TMEM163: variants seen among roughly 807,000 people sequenced by gnomAD.
TMEM163 encodes the protein transmembrane protein 163.
In TMEM163, 17 loss-of-function variants were observed where a neutral mutation model predicts 29.3. The observed-to-expected ratio is 0.58, with a 90% CI of 0.40 to 0.87. The LOEUF (loss-of-function observed/expected upper bound fraction) is 0.87, where lower values mean the gene tolerates loss of function less well. Ranked by LOEUF, TMEM163 falls within the 40% of genes least tolerant of loss-of-function variation. TMEM163 has a pLI of 0.00. For synonymous variants in TMEM163, 157 were observed against 160.6 expected, an observed-to-expected ratio of 0.98 and a Z score of 0.17; for missense variants, 303 against 381.5, an observed-to-expected ratio of 0.79 and a Z score of 1.71.
At chr2:134,643,656 A>G (rs1174566774) in intron 2 of TMEM163, among the ~76,000 whole-genome samples, 1 of 150,244 alleles carries the variant, frequency 6.7e-6, no homozygotes, top group Non-Finnish European at 1.5e-5. Context: ...TTCAGTATTC[A>G]TTCATGTTAA....
intron 2 of TMEM163, among the ~76,000 whole-genome samples, chr2:134,575,570 G>T (rs182906515): frequency 6.6e-6 from 1 of 152,288 alleles, no homozygotes; most frequent in East Asian, 1.9e-4. Context: ...ATCCCTCTGG[G>T]TCACGCTTTC....
intron 2 of TMEM163, among the ~76,000 whole-genome samples, chr2:134,555,299 C>T (rs908413954): frequency 1.3e-5 from 2 of 152,182 alleles, no homozygotes; most frequent in African/African-American, 2.4e-5. Context: ...TTCACCAGGA[C>T]GTTTCCAACT....
intron 4 of TMEM163, among the ~76,000 whole-genome samples, chr2:134,513,366 C>T (rs1343993548): frequency 2.0e-5 from 3 of 152,134 alleles, no homozygotes; most frequent in Non-Finnish European, 4.4e-5. Context: ...CAGGAATCAT[C>T]AGCACATGGA....
chr2:134,529,712 C>T (rs1042461529), intron 4 of TMEM163, among the ~76,000 whole-genome samples: 36 of 151,700 alleles, frequency 2.4e-4, no homozygotes, highest in African/African-American at 7.3e-4. Context: ...AAGATCTCCC[C>T]GGCGATCACA....
chr2:134,519,415 T>C (rs1479580484), intron 4 of TMEM163, among the ~76,000 whole-genome samples: 1 of 152,070 alleles, frequency 6.6e-6, no homozygotes, highest in Non-Finnish European at 1.5e-5. Flanking sequence ...GTGAGCAAGC[T>C]TTAAAACACA....
At chr2:134,538,036 T>C (rs1056937797) in intron 4 of TMEM163, among the ~76,000 whole-genome samples, 1 of 152,254 alleles carries the variant, frequency 6.6e-6, no homozygotes, top group Non-Finnish European at 1.5e-5. Context: ...ATTGCCACTT[T>C]GGAAAACGTT....
intron 4 of TMEM163, among the ~76,000 whole-genome samples, chr2:134,536,266 C>A (rs1174139362): frequency 6.6e-6 from 1 of 152,108 alleles, no homozygotes; most frequent in Non-Finnish European, 1.5e-5. Flanking sequence ...AAACAACTTC[C>A]TTCTGGGCTG....
chr2:134,528,048 A>G (rs1023560754), intron 4 of TMEM163, among the ~76,000 whole-genome samples: 5 of 152,234 alleles, frequency 3.3e-5, no homozygotes, highest in African/African-American at 1.2e-4. Flanking sequence ...AAGAGGACAC[A>G]GAAGTCCAAC....
At chr2:134,580,238 G>A (rs950621130) in intron 2 of TMEM163, among the ~76,000 whole-genome samples, 1 of 152,206 alleles carries the variant, frequency 6.6e-6, no homozygotes, top group Admixed American at 6.5e-5. Flanking sequence ...GGTGAAGAGA[G>A]TTAGAATTCA....
chr2:134,666,580 C>A (rs896400101), intron 2 of TMEM163, among the ~76,000 whole-genome samples: 2 of 152,200 alleles, frequency 1.3e-5, no homozygotes. Context: ...GCAGAATAAG[C>A]CTGGCTATCC....
intron 4 of TMEM163, among the ~76,000 whole-genome samples, chr2:134,540,199 GCAGA>G (rs1680636031): frequency 6.6e-6 from 1 of 152,252 alleles, no homozygotes; most frequent in South Asian, 2.1e-4. Context: ...GGCTACAGCT[GCAGA>G]CAAAGGCCAG....
intron 5 of TMEM163, among the ~76,000 whole-genome samples, chr2:134,477,089 C>T (rs1375314508): frequency 6.6e-6 from 1 of 152,202 alleles, no homozygotes; most frequent in Non-Finnish European, 1.5e-5. Flanking sequence ...TTGGCTCACC[C>T]ACCCCTCCTT....
intron 4 of TMEM163, among the ~76,000 whole-genome samples, chr2:134,519,047 T>C (rs749236344): frequency 2.0e-5 from 3 of 152,168 alleles, no homozygotes; most frequent in Non-Finnish European, 4.4e-5. Flanking sequence ...ATTAAATCTA[T>C]TCAGGACCCC....
chr2:134,517,567 A>G (rs1482988683), intron 4 of TMEM163, among the ~76,000 whole-genome samples: 1 of 152,128 alleles, frequency 6.6e-6, no homozygotes, highest in East Asian at 1.9e-4. Flanking sequence ...CATTTTTTCT[A>G]ACTGGAATAG....
intron 2 of TMEM163, among the ~76,000 whole-genome samples, chr2:134,565,241 CAAA>C (rs1400392387): frequency 6.6e-6 from 1 of 150,882 alleles, no homozygotes; most frequent in African/African-American, 2.4e-5. Context: ...GTCTCAAAAA[CAAA>C]AACAAAAACA....
At chr2:134,484,842 C>A (rs779061392) in intron 5 of TMEM163, among the ~76,000 whole-genome samples, 2 of 152,168 alleles carry the variant, frequency 1.3e-5, no homozygotes, top group African/African-American at 4.8e-5. Context: ...AACAAAAAAT[C>A]AAGCAGCAGC....
intron 2 of TMEM163, among the ~76,000 whole-genome samples, chr2:134,699,138 A>G (rs12471329): frequency 0.19 from 28,539 of 152,258 alleles, 3,397 homozygotes; most frequent in East Asian, 0.59. Flanking sequence ...TGACTAGCAT[A>G]GCGCACAGTT....
At position 134,637,545 on chromosome 2, in the gene TMEM163, T is replaced by C. The variant is rs1407412381; in HGVS notation, c.322+75655A>G. 2.6e-5 allele frequency among the ~76,000 whole-genome samples: 4 copies of C among 152,382 alleles called. No individual in the cohort carries two copies. In the East Asian group the frequency reaches 7.7e-4, roughly 29 times the overall value. ...AAATAAAAATTCATCAAGTCTACTATAATCATACAATTTCACAACAATATC... is the reference window on the plus strand; with the variant it reads ...AAATAAAAATTCATCAAGTCTACTACAATCATACAATTTCACAACAATATC... On this transcript the variant is annotated intron_variant, in intron 2 of 7. Transcript: ENST00000281924.
At chr2:134,667,449 T>C (rs1683893795) in intron 2 of TMEM163, among the ~76,000 whole-genome samples, 1 of 152,178 alleles carries the variant, frequency 6.6e-6, no homozygotes, top group South Asian at 2.1e-4. Context: ...AGACATGGGA[T>C]GTAGAATATG....
Sources: gnomAD v4.1 joint callset for allele counts (sites outside exome capture counted in the v4.1 genomes callset) on GRCh38, gnomAD v4.1.1 for gene constraint, MANE v1.5 for transcripts, NCBI Gene and HGNC (gene_info 2026-07-23, HGNC 2026-07-21) for gene names.